PDE3B: variants seen among roughly 807,000 people sequenced by gnomAD.
PDE3B encodes the protein cGMP-inhibited 3',5'-cyclic phosphodiesterase 3B.
A neutral mutation model predicts 116.8 loss-of-function variants in PDE3B; 66 were observed. The ratio of observed to expected loss-of-function variants is 0.56; its 90% CI spans 0.46 to 0.69. The LOEUF is 0.69. PDE3B is among the 30% of genes least tolerant of loss of function. The pLI is 0.00. For missense variants in PDE3B, 1,384 were observed against 1,368.1 expected (o/e 1.01, Z -0.18); for synonymous variants, 595 against 533.6 (o/e 1.12, Z -1.59).
intron 5 of PDE3B, among the ~76,000 whole-genome samples, chr11:14,816,934 T>C (rs573585278): frequency 6.6e-6 from 1 of 152,206 alleles, no homozygotes; most frequent in Non-Finnish European, 1.5e-5. Context: ...ATCCCATTAC[T>C]GGGTATATAC....
the PDE3B span, chr11:14,891,042 A>G: frequency 4.1e-6 from 4 of 985,292 alleles, no homozygotes; most frequent in Admixed American, 1.8e-4. Context: ...CTTCACCGCT[A>G]GCGTCAGGCC....
At chr11:14,874,155 TTA>T (rs761284230), downstream of PDE3B, among the ~76,000 whole-genome samples, 7 of 152,208 alleles carry the variant, frequency 4.6e-5, no homozygotes, top group Non-Finnish European at 8.8e-5. Context: ...CTTTTTTGTC[TTA>T]TGTTTTCTGG....
intron 1 of PDE3B, among the ~76,000 whole-genome samples, chr11:14,726,441 G>C (rs1207024407): frequency 6.6e-6 from 1 of 152,130 alleles, no homozygotes; most frequent in African/African-American, 2.4e-5. Flanking sequence ...TAAGTCTGGA[G>C]CTCAGAGGAG....
chr11:14,788,285 A>G (rs1858272371), intron 3 of PDE3B, among the ~76,000 whole-genome samples: 1 of 152,154 alleles, frequency 6.6e-6, no homozygotes, highest in East Asian at 1.9e-4. Context: ...ACAACTTGAT[A>G]TAACTATCTT....
chr11:14,769,821 A>G (rs927938334), intron 1 of PDE3B, among the ~76,000 whole-genome samples: 4 of 149,440 alleles, frequency 2.7e-5, no homozygotes, highest in African/African-American at 7.3e-5. Flanking sequence ...TGCCCCAAGA[A>G]CCAGCTACCA....
chr11:14,724,775 C>T (rs1166825275), intron 1 of PDE3B, among the ~76,000 whole-genome samples: 2 of 152,026 alleles, frequency 1.3e-5, no homozygotes, highest in Admixed American at 6.5e-5. Flanking sequence ...AGAAGAAGGC[C>T]TAGAAGTTGA....
At chr11:14,838,042 G>A (rs570145967) in intron 11 of PDE3B, among the ~76,000 whole-genome samples, 1 of 151,570 alleles carries the variant, frequency 6.6e-6, no homozygotes, top group Non-Finnish European at 1.5e-5. Flanking sequence ...GCAGTGGCGC[G>A]ATCTCGGCTC....
intron 1 of PDE3B, among the ~76,000 whole-genome samples, chr11:14,745,137 T>C (rs1856878264): frequency 1.3e-5 from 2 of 152,204 alleles, no homozygotes; most frequent in East Asian, 3.8e-4. Context: ...GGTAGCTTTT[T>C]TGGAGGGAGA....
intron 11 of PDE3B, among the ~76,000 whole-genome samples, chr11:14,837,486 C>G (rs1860090681): frequency 6.6e-6 from 1 of 152,216 alleles, no homozygotes; most frequent in Non-Finnish European, 1.5e-5. Context: ...AACTGCAACA[C>G]CTAATTCAGC....
Position 14,661,376 on chromosome 11 carries a change from C to T in PDE3B, c.978+16323C>T, listed in dbSNP as rs1312021795. Among the ~76,000 whole-genome samples, 7 of 152,210 alleles carry T rather than the reference C, an allele frequency of 4.6e-5. No homozygotes were observed. In the East Asian group the frequency reaches 5.8e-4, roughly 13 times the overall value. On this transcript the variant is annotated intron_variant, in intron 1 of 15. Transcript: ENST00000282096. ...TCCGGTCTACAGCTTCCAGCGTGAG[C>T]GACGCAAAAGACGGTTGATTTCTGC...
intron 11 of PDE3B, among the ~76,000 whole-genome samples, chr11:14,835,406 G>T (rs551698802): frequency 2.6e-5 from 4 of 151,686 alleles, no homozygotes; most frequent in African/African-American, 9.7e-5. Context: ...CCACTATCCC[G>T]AATATTATGA....
chr11:14,664,068 C>G (rs763502277), intron 1 of PDE3B, among the ~76,000 whole-genome samples: 2 of 152,228 alleles, frequency 1.3e-5, no homozygotes, highest in African/African-American at 2.4e-5. Flanking sequence ...CAAGCTGTCT[C>G]TCAGACCACA....
chr11:14,873,568 G>T (rs1848164563), downstream of PDE3B, among the ~76,000 whole-genome samples: 1 of 152,160 alleles, frequency 6.6e-6, no homozygotes, highest in Non-Finnish European at 1.5e-5. Flanking sequence ...TATATCAGAG[G>T]AGTTGATTTT....
chr11:14,767,940 C>T (rs902024067), intron 1 of PDE3B, among the ~76,000 whole-genome samples: 12 of 150,984 alleles, frequency 7.9e-5, no homozygotes, highest in South Asian at 2.1e-4. Flanking sequence ...TCTAATACTA[C>T]GGAGACACTT....
chr11:14,759,182 T>TG (rs1857281219), intron 1 of PDE3B, among the ~76,000 whole-genome samples: 1 of 152,322 alleles, frequency 6.6e-6, no homozygotes, highest in Middle Eastern at 3.4e-3. Flanking sequence ...AGTATTTTAT[T>TG]GAGGATTTTT....
intron 1 of PDE3B, among the ~76,000 whole-genome samples, chr11:14,690,914 A>G (rs933913854): frequency 6.6e-6 from 1 of 152,158 alleles, no homozygotes; most frequent in Admixed American, 6.6e-5. Context: ...AGCAAGGTCC[A>G]GGGAAGTTTT....
the PDE3B span, among the ~76,000 whole-genome samples, chr11:14,881,946 T>C: frequency 6.6e-6 from 1 of 152,116 alleles, no homozygotes; most frequent in Non-Finnish European, 1.5e-5. Context: ...AAATGTCACA[T>C]TCTCTTGTGT....
chr11:14,702,708 A>G (rs1855401985), intron 1 of PDE3B, among the ~76,000 whole-genome samples: 1 of 151,944 alleles, frequency 6.6e-6, no homozygotes, highest in Admixed American at 6.6e-5. Flanking sequence ...CACCAGCCAC[A>G]CTTTAAGTGC....
chr11:14,657,697 A>C (rs752499742), intron 1 of PDE3B, among the ~76,000 whole-genome samples: 29 of 152,342 alleles, frequency 1.9e-4, no homozygotes, highest in Non-Finnish European at 3.8e-4. Context: ...GCTAGGAGCT[A>C]TAAAGGCTAT....
Sources: gnomAD v4.1 joint callset for allele counts (sites outside exome capture counted in the v4.1 genomes callset) on GRCh38, gnomAD v4.1.1 for gene constraint, MANE v1.5 for transcripts, NCBI Gene and HGNC (gene_info 2026-07-23, HGNC 2026-07-21) for gene names.